Variants in TRPM1 observed in about 807,000 individuals in gnomAD.
The protein encoded by TRPM1 is TRPM1-203 APA Isoform, Intron 10.
In TRPM1, 113 loss-of-function variants were observed where a neutral mutation model predicts 149.4. The observed-to-expected ratio is 0.76, with a 90% CI of 0.65 to 0.88. TRPM1 has a LOEUF of 0.88. TRPM1 is among the 40% of genes least tolerant of loss of function. The pLI, the probability that TRPM1 is intolerant of heterozygous loss-of-function variation, is 0.00. For synonymous variants in TRPM1, 741 were observed against 759.5 expected, an observed-to-expected ratio of 0.98 and a Z score of 0.40; for missense variants, 1,976 against 2,038.7, an observed-to-expected ratio of 0.97 and a Z score of 0.59.
intron 1 of TRPM1, among the ~76,000 whole-genome samples, chr15:31,144,320 C>T (rs2036196372): frequency 6.6e-6 from 1 of 152,054 alleles, no homozygotes. Context: ...GCCTGTAGTC[C>T]CAGTTATTTG....
chr15:31,002,627 G>A lies in TRPM1; in HGVS notation c.4073C>T (p.Pro1358Leu). 6.2e-7 allele frequency: 1 copy of A among 1,614,104 alleles called. No individual in the cohort carries two copies. Among genetic ancestry groups the A allele is most frequent in the Non-Finnish European group, 8.5e-7 (1 of 1,180,030 alleles). ...ATCTACTGCAAGGTGACTGCCATCT[G>A]GGGTTGCTGATGTGCTTGTGCCCAG... ...LSLGTSTSAT[P>L]DGSHLAVDDL... The change falls in exon 28 of 28, where the codon CCA (proline) becomes CTA (leucine). Residue 1358 changes from proline (P) to leucine (L), a missense_variant. Around this residue, in one of 3 missense-constraint regions of TRPM1, gnomAD observed 572 missense variants for 578.9 expected, o/e 0.99. Transcript: ENST00000256552.
At chr15:31,078,693 G>A (rs1162340227) in intron 2 of TRPM1, among the ~76,000 whole-genome samples, 1 of 152,192 alleles carries the variant, frequency 6.6e-6, no homozygotes, top group African/African-American at 2.4e-5. Context: ...TTTCCCGTCT[G>A]TTTCGCACTT....
intron 5 of TRPM1, among the ~76,000 whole-genome samples, 185 bp downstream of exon 5, chr15:31,067,694 G>GT (rs140490164): frequency 0.01 from 1,519 of 151,508 alleles, 22 homozygotes; most frequent in African/African-American, 0.035. Context: ...TATATTTGCT[G>GT]TTTTTTTTTA....
intron 1 of TRPM1, among the ~76,000 whole-genome samples, chr15:31,151,550 G>A (rs1455210093): frequency 1.3e-5 from 2 of 152,258 alleles, no homozygotes; most frequent in Non-Finnish European, 2.9e-5. Flanking sequence ...TCTCCAGGCT[G>A]TGCTGGCAAT....
intron 1 of TRPM1, among the ~76,000 whole-genome samples, chr15:31,115,100 CA>C (rs1225890653): frequency 1.3e-5 from 2 of 152,108 alleles, no homozygotes; most frequent in Middle Eastern, 3.4e-3. Context: ...ACTAAAAATA[CA>C]AAAAACATTA....
chr15:31,085,067 G>A (rs1358734145), intron 1 of TRPM1, among the ~76,000 whole-genome samples: 1 of 152,080 alleles, frequency 6.6e-6, no homozygotes, highest in Non-Finnish European at 1.5e-5. Context: ...TTCATTTTGT[G>A]TTTGTGGGAG....
At chr15:31,144,487 G>T (rs2141055035) in intron 1 of TRPM1, among the ~76,000 whole-genome samples, 1 of 152,162 alleles carries the variant, frequency 6.6e-6, no homozygotes, top group Non-Finnish European at 1.5e-5. Flanking sequence ...GTCAAAATAT[G>T]CAACAATGCA....
intron 7 of TRPM1, among the ~76,000 whole-genome samples, chr15:31,065,528 T>C (rs1193200078): frequency 6.6e-6 from 1 of 152,208 alleles, no homozygotes; most frequent in Non-Finnish European, 1.5e-5. Flanking sequence ...TCTTTCTCTC[T>C]AGTTCGACCT....
intron 27 of TRPM1, among the ~76,000 whole-genome samples, chr15:31,014,869 C>T (rs2032301565): frequency 6.6e-6 from 1 of 152,116 alleles, no homozygotes; most frequent in Non-Finnish European, 1.5e-5. Flanking sequence ...CGTTTTCTAT[C>T]CTCCAACCAG....
At chr15:31,133,752 G>A (rs1469001821) in intron 1 of TRPM1, among the ~76,000 whole-genome samples, 2 of 152,098 alleles carry the variant, frequency 1.3e-5, no homozygotes, top group African/African-American at 4.8e-5. Context: ...CAATGGAGAG[G>A]CCCCATCCAG....
intron 1 of TRPM1, among the ~76,000 whole-genome samples, chr15:31,149,695 A>AT (rs537380647): frequency 1.3e-5 from 2 of 151,978 alleles, no homozygotes; most frequent in East Asian, 1.9e-4. Flanking sequence ...AATTTTTTGT[A>AT]TTTTTAGTAG....
chr15:31,084,629 G>A (rs967212997), intron 1 of TRPM1, among the ~76,000 whole-genome samples: 1 of 151,486 alleles, frequency 6.6e-6, no homozygotes, highest in Non-Finnish European at 1.5e-5. Flanking sequence ...ATTGTGAATA[G>A]TGCTATCAGT....
intron 25 of TRPM1, among the ~76,000 whole-genome samples, chr15:31,028,093 T>C (rs987290366): frequency 2.0e-5 from 3 of 152,220 alleles, no homozygotes; most frequent in Non-Finnish European, 4.4e-5. Flanking sequence ...AAATACATGC[T>C]AAAGTGTTAA....
rs1436787441 is a variant in TRPM1, at chr15:31,001,960, C to T, written c.4740G>A (p.Arg1580=). Residue 1580 remains arginine (R), a synonymous_variant, in exon 28 of 28, where the codon AGG becomes AGA. Transcript: ENST00000256552. The stretch of plus-strand genomic sequence containing the variant: ...ACTTTCCCTGAATGGATTTCACATT[C>T]CTAGGATGTCCATGTAAACTTTTTG... ...LRSKSLHGHP[R]NVKSIQGKLD... The T allele has an allele frequency of 1.2e-6, 2 of 1,614,046 alleles. No homozygotes were observed. The highest frequency in any genetic ancestry group is 2.2e-5 in the South Asian group (2 of 91,090).
chr15:31,103,257 C>G (rs1248086650), upstream of TRPM1, among the ~76,000 whole-genome samples: 5 of 152,194 alleles, frequency 3.3e-5, no homozygotes, highest in Non-Finnish European at 7.4e-5. Context: ...CAAGAGAACA[C>G]CCCTCCTCCC....
chr15:31,122,385 AATAAAACTG>A (rs1433742487), intron 1 of TRPM1, among the ~76,000 whole-genome samples: 1 of 152,256 alleles, frequency 6.6e-6, no homozygotes, highest in Non-Finnish European at 1.5e-5. Context: ...GAAAGGAAGG[AATAAAACTG>A]TCTTTGCTCA....
intron 1 of TRPM1, among the ~76,000 whole-genome samples, chr15:31,089,387 C>T (rs1157709606): frequency 1.3e-5 from 2 of 152,190 alleles, no homozygotes; most frequent in Non-Finnish European, 2.9e-5. Context: ...ATGAAGTATA[C>T]GTTGTTTCTT....
At position 31,042,111 on chromosome 15, in the gene TRPM1, G is replaced by A; in HGVS notation, c.1927C>T (p.Leu643=). 6.2e-7 allele frequency: 1 copy of A among 1,614,184 alleles called. No homozygotes were observed. The highest frequency in any genetic ancestry group is 8.5e-7 in the Non-Finnish European group (1 of 1,180,024). Residue 643 remains leucine, a synonymous_variant, in exon 17 of 28, where the codon CTG becomes TTG. Transcript: ENST00000256552. The stretch of plus-strand genomic sequence containing the variant: ...ACTGCCATTTTCTGGCGTTTCATCA[G>A]CACTGCCCACACCATCAGCTCGTGG... ...PFHELMVWAV[L]MKRQKMAVFL...
intron 11 of TRPM1, among the ~76,000 whole-genome samples, chr15:31,054,715 A>T (rs1255168866): frequency 6.6e-6 from 1 of 152,244 alleles, no homozygotes; most frequent in Non-Finnish European, 1.5e-5. Context: ...ATGATGCTTA[A>T]ATATATGTAT....
Sources: gnomAD v4.1 joint callset for allele counts (sites outside exome capture counted in the v4.1 genomes callset) on GRCh38, gnomAD v4.1.1 for gene constraint, gnomAD v4.1.1 regional missense constraint, MANE v1.5 for transcripts, NCBI Gene and HGNC (gene_info 2026-07-23, HGNC 2026-07-21) for gene names.